ELAVL4: variants seen among roughly 807,000 people sequenced by gnomAD.
ELAVL4 encodes ELAV like RNA binding protein 4, also known as ELAV-like protein 4.
ELAVL4 carries 1 observed loss-of-function variant against 35.6 expected under a neutral mutation model. The ratio of observed to expected loss-of-function variants is 0.03; its 90% confidence interval spans 0.01 to 0.13. ELAVL4 has a LOEUF of 0.13. Among genes scored for constraint, ELAVL4 ranks in the 10% least tolerant of loss-of-function variants. The pLI, the probability that ELAVL4 is intolerant of heterozygous loss-of-function variation, is 1.00. For missense variants in ELAVL4, 267 were observed against 464.9 expected, an observed-to-expected ratio of 0.57 and a Z score of 3.91; for synonymous variants, 156 against 171.0, an observed-to-expected ratio of 0.91 and a Z score of 0.69.
In ELAVL4 at chr1:50,090,340, A is replaced by C. The variant is rs557027709; in HGVS notation, c.18+42158A>C. ...CTCACACTACTCTTTTTCACTTTTC[A>C]GAAGCCAGTAGTGTAGAGAAAGAGC... On this transcript the variant is annotated intron_variant, in intron 1 of 6. Coordinates refer to the ELAVL4 transcript ENST00000448907. 2.0e-5 allele frequency among the ~76,000 whole-genome samples: 3 copies of C among 152,308 alleles called. No homozygotes were observed. The East Asian group carries it at 5.8e-4, about 29-fold the overall frequency.
chr1:50,195,169 G>T (rs1236476931), intron 4 of ELAVL4, among the ~76,000 whole-genome samples: 1 of 152,226 alleles, frequency 6.6e-6, no homozygotes, highest in Non-Finnish European at 1.5e-5. Context: ...TGTTTTTAAA[G>T]CATATCATGT....
chr1:50,158,138 A>G (rs1193561744), intron 2 of ELAVL4, among the ~76,000 whole-genome samples: 1 of 152,188 alleles, frequency 6.6e-6, no homozygotes, highest in Non-Finnish European at 1.5e-5. Context: ...GTGAACATTA[A>G]TTTATGTAAA....
chr1:50,181,048 G>T (rs144188548), intron 3 of ELAVL4: 1 of 152,106 alleles, frequency 6.6e-6, no homozygotes, highest in Admixed American at 6.5e-5. Context: ...CTTTATACAG[G>T]TGAGGAAACT....
Position 50,126,247 on chromosome 1 carries a change from T to A in ELAVL4, c.9+17049T>A, listed in dbSNP as rs542545510. On this transcript the variant is annotated intron_variant, in intron 1 of 6. Coordinates refer to ENST00000371824, the MANE Select transcript of ELAVL4 (RefSeq NM_001144774.3). ...GGACTGTGAAGAAAATAAAATTAGA[T>A]TTGCTGTAAATCAGTATGATTGAGA... Among the ~76,000 whole-genome samples the A allele has an allele frequency of 6.0e-4, 92 of 152,140 alleles. 1 individual carries two copies. Among genetic ancestry groups the A allele is most frequent in the African/African-American group, 2.1e-3 (88 of 41,530 alleles).
intron 1 of ELAVL4, among the ~76,000 whole-genome samples, chr1:50,086,198 C>A (rs747657582): frequency 1.3e-5 from 2 of 151,772 alleles, no homozygotes; most frequent in Non-Finnish European, 2.9e-5. Context: ...TTGTTAATTG[C>A]TTTTAAGCTT....
At chr1:50,063,518 C>T (rs1664108185) in intron 1 of ELAVL4, among the ~76,000 whole-genome samples, 1 of 152,134 alleles carries the variant, frequency 6.6e-6, no homozygotes, top group Non-Finnish European at 1.5e-5. Context: ...GATCTCTGTT[C>T]CTATATCAGC....
At chr1:50,063,987 G>A (rs1664134486) in intron 1 of ELAVL4, among the ~76,000 whole-genome samples, 1 of 152,142 alleles carries the variant, frequency 6.6e-6, no homozygotes, top group Non-Finnish European at 1.5e-5. Context: ...ATTATCTAGG[G>A]GAAGAGGGAA....
At chr1:50,121,700 T>C (rs1329136886) in intron 1 of ELAVL4, among the ~76,000 whole-genome samples, 2 of 152,094 alleles carry the variant, frequency 1.3e-5, no homozygotes, top group African/African-American at 4.8e-5. Flanking sequence ...ATGCAAGATC[T>C]CTAGTATCTT....
chr1:50,105,246 T>C (rs563335107), upstream of ELAVL4, among the ~76,000 whole-genome samples: 14 of 152,316 alleles, frequency 9.2e-5, no homozygotes, highest in Middle Eastern at 3.4e-3. Flanking sequence ...TTCATCACTG[T>C]GTGTGAATAT....
At chr1:50,106,674 A>G (rs1666341293), upstream of ELAVL4, among the ~76,000 whole-genome samples, 1 of 152,178 alleles carries the variant, frequency 6.6e-6, no homozygotes, top group South Asian at 2.1e-4. Context: ...ACTTTTCCCA[A>G]CAATAGGATT....
intron 1 of ELAVL4, among the ~76,000 whole-genome samples, chr1:50,133,652 A>AAAGAAAGG (rs1491253490): frequency 1.0e-5 from 1 of 96,956 alleles, no homozygotes; most frequent in Non-Finnish European, 2.3e-5. Flanking sequence ...AGAAAGAAAG[A>AAAGAAAGG]GAAAGAAAGA....
intron 3 of ELAVL4, among the ~76,000 whole-genome samples, chr1:50,184,923 C>G (rs1681600374): frequency 6.6e-6 from 1 of 152,122 alleles, no homozygotes; most frequent in South Asian, 2.1e-4. Flanking sequence ...TAGCCACTAG[C>G]AATATATGGC....
upstream of ELAVL4, chr1:50,103,797 AC>A (rs1431297719): frequency 3.1e-6 from 3 of 974,378 alleles, no homozygotes; most frequent in African/African-American, 4.9e-5. Flanking sequence ...CTACCTTCCC[AC>A]CCCATTTTGC....
upstream of ELAVL4, chr1:50,103,950 G>A: frequency 6.2e-7 from 1 of 1,613,920 alleles, no homozygotes; most frequent in Non-Finnish European, 8.5e-7. Context: ...TGAATGCTCT[G>A]GAACTGCCCT....
chr1:50,187,591 G>T (rs181189487), intron 3 of ELAVL4, among the ~76,000 whole-genome samples: 51 of 152,242 alleles, frequency 3.3e-4, no homozygotes, highest in African/African-American at 1.2e-3. Flanking sequence ...CTCACTTTCA[G>T]TTAAAGTAAC....
chr1:50,082,265 A>T (rs913848846), intron 1 of ELAVL4, among the ~76,000 whole-genome samples: 1 of 152,228 alleles, frequency 6.6e-6, no homozygotes, highest in Non-Finnish European at 1.5e-5. Context: ...ACTGTCTTCC[A>T]CAGTGGTTGA....
chr1:50,190,711 A>G (rs529317211), intron 3 of ELAVL4, among the ~76,000 whole-genome samples: 1 of 152,254 alleles, frequency 6.6e-6, no homozygotes, highest in East Asian at 1.9e-4. Context: ...TTGTTGTGTC[A>G]CCAACTTTCA....
chr1:50,157,115 A>C (rs557691696), intron 2 of ELAVL4, among the ~76,000 whole-genome samples: 19 of 152,324 alleles, frequency 1.2e-4, no homozygotes, highest in African/African-American at 3.6e-4. Context: ...CTGTAGTTGA[A>C]TATGTCAGGA....
At chr1:50,077,374 A>C (rs1488854601) in intron 1 of ELAVL4, among the ~76,000 whole-genome samples, 2 of 152,200 alleles carry the variant, frequency 1.3e-5, no homozygotes, top group Non-Finnish European at 2.9e-5. Context: ...AGCAGGAAAG[A>C]ATTGAAGTCT....
Sources: allele counts gnomAD v4.1 joint callset (sites outside exome capture counted in the v4.1 genomes callset), GRCh38; gene constraint gnomAD v4.1.1; transcripts MANE v1.5; gene names NCBI Gene and HGNC (gene_info 2026-07-23, HGNC 2026-07-21).